The following CRIM1 variants were observed in gnomAD, a reference collection of about 807,000 sequenced individuals.
The protein encoded by CRIM1 is cysteine rich transmembrane BMP regulator 1.
CRIM1 carries 32 observed loss-of-function variants against 116.4 expected under a neutral mutation model. The observed-to-expected ratio is 0.27, with a 90% CI of 0.21 to 0.37. The LOEUF is 0.37. CRIM1 is among the 10% of genes least tolerant of loss of function. The pLI is 1.00. For missense variants in CRIM1, 1,331 were observed against 1,354.8 expected, an observed-to-expected ratio of 0.98 and a Z score of 0.28; for synonymous variants, 590 against 509.2, an observed-to-expected ratio of 1.16 and a Z score of -2.13.
chr2:36,497,179 G>C (rs1680660632), intron 7 of CRIM1, among the ~76,000 whole-genome samples: 1 of 152,166 alleles, frequency 6.6e-6, no homozygotes, highest in Non-Finnish European at 1.5e-5. Context: ...GGTATGTGTA[G>C]ATATGCTTAA....
intron 4 of CRIM1, among the ~76,000 whole-genome samples, chr2:36,450,367 T>C (rs772476461): frequency 1.3e-5 from 2 of 152,224 alleles, no homozygotes; most frequent in African/African-American, 2.4e-5. Flanking sequence ...TGTGTGTGTG[T>C]CTTCTCTGTC....
chr2:36,430,797 G>C (rs1329259407), intron 2 of CRIM1, among the ~76,000 whole-genome samples: 1 of 152,146 alleles, frequency 6.6e-6, no homozygotes, highest in Non-Finnish European at 1.5e-5. Context: ...TTTATGGTAT[G>C]GGTCTAAACA....
chr2:36,468,308 C>T (rs550971451), intron 5 of CRIM1, among the ~76,000 whole-genome samples: 2 of 152,142 alleles, frequency 1.3e-5, no homozygotes, highest in Non-Finnish European at 2.9e-5. Flanking sequence ...CTCGAAAACT[C>T]GTGAGTTTTG....
Position 36,499,264 on chromosome 2 carries a change from C to T in CRIM1, c.1418C>T (p.Ser473Leu), listed in dbSNP as rs763655624. 1 of 1,613,402 alleles carries T rather than the reference C, an allele frequency of 6.2e-7. No individual in the cohort carries two copies. The highest frequency in any genetic ancestry group is 1.1e-5 in the South Asian group (1 of 91,064). ...GATCCACCTGCATGTGGGGAGTTAT[C>T]AAACTGCACTCTGACAGGGAAGGAC... Reference protein sequence around the residue: ...TVDPPACGELSNCTLTGKDCI... With the variant: ...TVDPPACGELLNCTLTGKDCI... Residue 473 changes from serine to leucine, a missense_variant, in exon 8 of 17, where the codon TCA becomes TTA. This residue lies in a region of CRIM1 where 690 missense variants were observed against 676.0 expected (regional missense o/e 1.02). Coordinates refer to ENST00000280527, the MANE Select transcript of CRIM1 (RefSeq NM_016441.3).
chr2:36,384,260 G>A (rs766433670), intron 1 of CRIM1, among the ~76,000 whole-genome samples: 14 of 152,224 alleles, frequency 9.2e-5, no homozygotes, highest in East Asian at 1.9e-4. Context: ...TGCAGTAGCC[G>A]GGGAAGGGAA....
chr2:36,467,147 C>G (rs1234957228), intron 5 of CRIM1, among the ~76,000 whole-genome samples: 1 of 152,172 alleles, frequency 6.6e-6, no homozygotes, highest in Non-Finnish European at 1.5e-5. Context: ...GTTGAGTGGA[C>G]AAAACACAGT....
In CRIM1 at chr2:36,499,206, TA is replaced by T; in HGVS notation, c.1373-12del. On this transcript the variant is annotated splice_polypyrimidine_tract_variant and intron_variant, in intron 7 of 16. Coordinates refer to ENST00000280527, the MANE Select transcript of CRIM1 (RefSeq NM_016441.3). ...ATGTTTCATTGGTTATTTTTTTCTC[TA>T]TTTATTATTAGAACCAACCATCATC... 6.3e-7 allele frequency: 1 copy of T among 1,598,814 alleles called. No individual in the cohort carries two copies. The highest frequency in any genetic ancestry group is 8.6e-7 in the Non-Finnish European group (1 of 1,168,610).
rs1001710881 is a variant in CRIM1, at chr2:36,535,092, G to A, written c.2429-2260G>A. On this transcript the variant is annotated intron_variant, in intron 13 of 16. Coordinates refer to ENST00000280527, the MANE Select transcript of CRIM1 (RefSeq NM_016441.3). The stretch of plus-strand genomic sequence containing the variant: ...GTGTATGGAGAGAGGAAGGAAAGAA[G>A]GAATGAAGGAGAGAGGGAAGGAGGG... 2.2e-5 allele frequency among the ~76,000 whole-genome samples: 3 copies of A among 135,480 alleles called. No homozygotes were observed. In the South Asian group the frequency reaches 8.1e-4, roughly 37 times the overall value. The allele number at this position is 135,480 out of a possible 152,430, so 88.9% of individuals were successfully genotyped here.
chr2:36,441,314 C>A lies in CRIM1; in HGVS notation c.562C>A (p.Pro188Thr). Residue 188 changes from proline (P) to threonine (T), a missense_variant, in exon 3 of 17, where the codon CCT becomes ACT. Physicochemically the swap from Pro to Thr is conservative, Grantham distance 38. Around this residue, in one of 3 missense-constraint regions of CRIM1, gnomAD observed 690 missense variants for 676.0 expected, o/e 1.02. Coordinates refer to ENST00000280527, the MANE Select transcript of CRIM1 (RefSeq NM_016441.3). ...TGAAGTCCAGTTCTCTCCACGTTGT[C>A]CTGAAGATTCTGTTCTGATCGAGGG... is the stretch of plus-strand genomic sequence containing the variant. ...RCEVQFSPRC[P>T]EDSVLIEGYA... 6.2e-7 allele frequency: 1 copy of A among 1,614,172 alleles called. No individual in the cohort carries two copies. Among genetic ancestry groups the A allele is most frequent in the Non-Finnish European group, 8.5e-7 (1 of 1,180,036 alleles).
At chr2:36,408,354 C>G (rs1277341739) in intron 2 of CRIM1, among the ~76,000 whole-genome samples, 2 of 152,216 alleles carry the variant, frequency 1.3e-5, no homozygotes, top group Non-Finnish European at 2.9e-5. Context: ...TAGGTGACCT[C>G]TCAGTTTTTC....
intron 13 of CRIM1, among the ~76,000 whole-genome samples, chr2:36,528,997 C>G (rs750574590): frequency 1.3e-5 from 2 of 152,168 alleles, no homozygotes; most frequent in African/African-American, 2.4e-5. Flanking sequence ...TTCTGGTTAA[C>G]TTGGGAAAAA....
At chr2:36,493,998 A>C (rs1488754299) in intron 7 of CRIM1, among the ~76,000 whole-genome samples, 2 of 152,186 alleles carry the variant, frequency 1.3e-5, no homozygotes, top group African/African-American at 4.8e-5. Flanking sequence ...TTTGAGTTTC[A>C]GCTTCTTACT....
intron 4 of CRIM1, among the ~76,000 whole-genome samples, chr2:36,457,730 T>A (rs985476054): frequency 2.0e-5 from 3 of 152,146 alleles, no homozygotes; most frequent in Non-Finnish European, 2.9e-5. Context: ...AACCTGTTTC[T>A]TTTTGGATAT....
intron 10 of CRIM1, 49 bp from the exon 11 acceptor site, chr2:36,513,507 C>T (rs767732121): frequency 6.7e-7 from 1 of 1,493,364 alleles, no homozygotes; most frequent in Non-Finnish European, 9.3e-7. Context: ...TAGCCTGTTT[C>T]TCCTGTGCAG....
In CRIM1 at chr2:36,418,003, T is replaced by C. The variant is rs145236370; in HGVS notation, c.505+21216T>C. Among the ~76,000 whole-genome samples the C allele has an allele frequency of 7.4e-3, 1,124 of 152,204 alleles. 10 individuals carry two copies. The highest frequency in any genetic ancestry group is 0.01 in the South Asian group (50 of 4,806). ...GATGGTGGTGGTGGGTGGAGGAGAA[T>C]TGTGCATGCCGATCTTCTGTGCAGC... On this transcript the variant is annotated intron_variant, in intron 2 of 16. Coordinates refer to ENST00000280527, the MANE Select transcript of CRIM1 (RefSeq NM_016441.3).
At chr2:36,479,935 A>G (rs780659934) in intron 7 of CRIM1, among the ~76,000 whole-genome samples, 8 of 152,240 alleles carry the variant, frequency 5.3e-5, no homozygotes, top group African/African-American at 1.9e-4. Context: ...AATACTTTAC[A>G]GTATAAGAAT....
At chr2:36,357,175 A>G (rs549706342) in intron 1 of CRIM1, among the ~76,000 whole-genome samples, 1 of 152,164 alleles carries the variant, frequency 6.6e-6, no homozygotes, top group Non-Finnish European at 1.5e-5. Flanking sequence ...CCTCCTCCGC[A>G]GATAAATCAG....
At position 36,391,499 on chromosome 2, in the gene CRIM1, T is replaced by C. The variant is rs188888326; in HGVS notation, c.332-5115T>C. Among the ~76,000 whole-genome samples the C allele has an allele frequency of 3.3e-5, 5 of 152,292 alleles. No individual in the cohort carries two copies. The East Asian group carries it at 7.7e-4, about 23-fold the overall frequency. On this transcript the variant is annotated intron_variant, in intron 1 of 16. Coordinates refer to ENST00000280527, the MANE Select transcript of CRIM1 (RefSeq NM_016441.3). ...GAGAACCAGCAGAACCGCTGTATTA[T>C]ACTGACACCATTTTCCTATTTACCA...
Position 36,409,472 on chromosome 2 carries a change from AG to A in CRIM1, c.505+12686del, listed in dbSNP as rs554637253. 2.9e-3 allele frequency among the ~76,000 whole-genome samples: 439 copies of A among 152,336 alleles called. 2 individuals carry two copies. The highest frequency in any genetic ancestry group is 9.5e-3 in the African/African-American group (397 of 41,578). ...AGTCAATGATACCCCTTCCTGACTGAGCCCTGCTCACTTGGGGAGGATTGTC... is the reference window on the plus strand; with the variant it reads ...AGTCAATGATACCCCTTCCTGACTGACCCTGCTCACTTGGGGAGGATTGTC... On this transcript the variant is annotated intron_variant, in intron 2 of 16. Transcript: ENST00000280527.
Sources: allele counts gnomAD v4.1 joint callset (sites outside exome capture counted in the v4.1 genomes callset), GRCh38; gene constraint gnomAD v4.1.1; regional missense constraint gnomAD v4.1.1; transcripts MANE v1.5; gene names NCBI Gene and HGNC (gene_info 2026-07-23, HGNC 2026-07-21).